DMD: variants seen among roughly 807,000 people sequenced by gnomAD.
DMD encodes the protein mutant dystrophin.
In DMD, 63 loss-of-function variants were observed where a neutral mutation model predicts 330.1. The observed-to-expected ratio is 0.19, with a 90% CI of 0.16 to 0.24. The LOEUF is 0.24. Among genes scored for constraint, DMD ranks in the 10% least tolerant of loss-of-function variants. DMD has a pLI of 1.00. For missense variants in DMD, 3,344 were observed against 2,684.1 expected, an observed-to-expected ratio of 1.25 and a Z score of -5.43; for synonymous variants, 1,223 against 959.8, an observed-to-expected ratio of 1.27 and a Z score of -5.07.
chrX:32,514,491 C>T (rs2045649787), intron 18 of DMD, among the ~76,000 whole-genome samples: 1 of 112,087 alleles, frequency 8.9e-6, no homozygotes, highest in African/African-American at 3.2e-5. Flanking sequence ...CCTGTAATCC[C>T]AGCACTTTGG....
intron 1 of DMD, among the ~76,000 whole-genome samples, chrX:33,324,917 T>C (rs1008336333): frequency 9.0e-6 from 1 of 111,482 alleles, no homozygotes; most frequent in Non-Finnish European, 1.9e-5. Flanking sequence ...TTCCCTTTCC[T>C]TTCATGCCGT....
At chrX:32,948,803 G>A (rs2090994855) in intron 2 of DMD, among the ~76,000 whole-genome samples, 1 of 111,707 alleles carries the variant, frequency 9.0e-6, no homozygotes, top group African/African-American at 3.3e-5. Context: ...TTGAAACACT[G>A]TTAAGCAGAG....
chrX:31,615,644 T>TG (rs1483949346), intron 55 of DMD, among the ~76,000 whole-genome samples: 1 of 112,141 alleles, frequency 8.9e-6, no homozygotes, highest in Non-Finnish European at 1.9e-5. Flanking sequence ...CGAGTCAATA[T>TG]GAACGCTTAA....
intron 44 of DMD, among the ~76,000 whole-genome samples, chrX:31,979,151 C>A (rs1240590902): frequency 8.9e-6 from 1 of 111,777 alleles, no homozygotes; most frequent in African/African-American, 3.3e-5. Context: ...AACCCCTGAG[C>A]TCTGGTGATC....
At chrX:31,686,818 T>C (rs1432461613) in intron 52 of DMD, among the ~76,000 whole-genome samples, 1 of 112,080 alleles carries the variant, frequency 8.9e-6, no homozygotes, top group Non-Finnish European at 1.9e-5. Flanking sequence ...CCACATGACC[T>C]AGGGAGACAC....
At chrX:32,124,974 A>T (rs1171328560) in intron 44 of DMD, among the ~76,000 whole-genome samples, 1 of 110,350 alleles carries the variant, frequency 9.1e-6, no homozygotes, top group Non-Finnish European at 1.9e-5. Flanking sequence ...TAAAAAAAAA[A>T]AAAAACAAAG....
At chrX:32,639,559 G>A (rs1241441414) in intron 11 of DMD, among the ~76,000 whole-genome samples, 1 of 112,283 alleles carries the variant, frequency 8.9e-6, no homozygotes, top group East Asian at 2.8e-4. Context: ...ATTTGTGACT[G>A]GAGATGTGTT....
intron 11 of DMD, among the ~76,000 whole-genome samples, chrX:32,640,600 A>C (rs1401611944): frequency 1.8e-5 from 2 of 111,292 alleles, no homozygotes; most frequent in Non-Finnish European, 3.8e-5. Flanking sequence ...AGGAAAAAGC[A>C]CTTTTACTGT....
chrX:31,891,263 T>G (rs995642019), intron 47 of DMD, among the ~76,000 whole-genome samples: 3 of 111,228 alleles, frequency 2.7e-5, no homozygotes, highest in Admixed American at 9.7e-5. Flanking sequence ...GATGGGTTGG[T>G]CTCTTCCTGC....
chrX:33,151,366 A>T (rs2048277856), intron 1 of DMD, among the ~76,000 whole-genome samples: 1 of 112,691 alleles, frequency 8.9e-6, no homozygotes, highest in Admixed American at 9.4e-5. Flanking sequence ...TCACTAATGT[A>T]TTAATACAGA....
At chrX:32,457,651 G>A (rs139726171) in intron 25 of DMD, among the ~76,000 whole-genome samples, 1 of 109,468 alleles carries the variant, frequency 9.1e-6, no homozygotes, top group South Asian at 4.1e-4. Context: ...AGGTCAGTGG[G>A]AGTACTGCAA....
intron 2 of DMD, among the ~76,000 whole-genome samples, chrX:32,873,291 T>G (rs140881597): frequency 0.016 from 1,737 of 109,837 alleles, 16 homozygotes; most frequent in Non-Finnish European, 0.025. Context: ...AGGATTTAAT[T>G]CTCTTCCCTC....
intron 47 of DMD, among the ~76,000 whole-genome samples, chrX:31,897,187 C>T (rs1374477976): frequency 1.8e-5 from 2 of 108,649 alleles, no homozygotes; most frequent in African/African-American, 6.7e-5. Context: ...GTTTTTTGTT[C>T]TTGCGACAGT....
intron 2 of DMD, among the ~76,000 whole-genome samples, chrX:32,959,768 C>T (rs1044193818): frequency 9.0e-6 from 1 of 111,256 alleles, no homozygotes; most frequent in East Asian, 2.8e-4. Context: ...AAAAGACTTA[C>T]CACCACAACA....
intron 17 of DMD, among the ~76,000 whole-genome samples, chrX:32,519,441 GCTTAATTA>G (rs1221312767): frequency 9.0e-6 from 1 of 110,722 alleles, no homozygotes; most frequent in Non-Finnish European, 1.9e-5. Flanking sequence ...CCTACCCTAT[GCTTAATTA>G]CTTCAACGGA....
At chrX:31,426,896 A>ACTC (rs950694465) in intron 60 of DMD, among the ~76,000 whole-genome samples, 18 of 112,088 alleles carry the variant, frequency 1.6e-4, no homozygotes, top group African/African-American at 5.8e-4. Context: ...ATAATTGAGA[A>ACTC]CTCTAAAATA....
At chrX:32,750,945 C>CT (rs2148283523) in intron 7 of DMD, among the ~76,000 whole-genome samples, 2 of 111,826 alleles carry the variant, frequency 1.8e-5, no homozygotes, top group African/African-American at 6.5e-5. Context: ...CACAAGCTCT[C>CT]TGTCTGCTGC....
intron 47 of DMD, among the ~76,000 whole-genome samples, chrX:31,927,447 A>G (rs2094794640): frequency 8.9e-6 from 1 of 111,937 alleles, no homozygotes; most frequent in Admixed American, 9.5e-5. Context: ...TCTTTTTGTC[A>G]TAAGATGTAC....
intron 59 of DMD, among the ~76,000 whole-genome samples, chrX:31,458,609 G>T (rs1310748143): frequency 2.8e-5 from 3 of 108,331 alleles, no homozygotes; most frequent in East Asian, 5.8e-4. Context: ...AATAGTAATA[G>T]ACTTTTTTCT....
Sources: allele counts gnomAD v4.1 joint callset (sites outside exome capture counted in the v4.1 genomes callset), GRCh38; gene constraint gnomAD v4.1.1; transcripts MANE v1.5; gene names NCBI Gene and HGNC (gene_info 2026-07-23, HGNC 2026-07-21).